Variants in WDFY4 observed in about 807,000 individuals in gnomAD.
The protein encoded by WDFY4 is WDFY family member 4.
In WDFY4, 169 loss-of-function variants were observed where a neutral mutation model predicts 351.9. The ratio of observed to expected loss-of-function variants is 0.48; its 90% CI spans 0.42 to 0.55. The LOEUF (loss-of-function observed/expected upper bound fraction) is 0.55. Ranked by LOEUF, WDFY4 falls within the 20% of genes least tolerant of loss-of-function variation. WDFY4 has a pLI of 0.00. For synonymous variants in WDFY4, 1,622 were observed against 1,574.6 expected, an observed-to-expected ratio of 1.03 and a Z score of -0.71; for missense variants, 3,803 against 3,935.6, an observed-to-expected ratio of 0.97 and a Z score of 0.90.
chr10:48,944,569 G>A (rs1368409021), intron 49 of WDFY4, among the ~76,000 whole-genome samples: 1 of 152,246 alleles, frequency 6.6e-6, no homozygotes, highest in Non-Finnish European at 1.5e-5. Flanking sequence ...GGGCTGCTTG[G>A]ATGGCAGACC....
intron 39 of WDFY4, among the ~76,000 whole-genome samples, chr10:48,851,928 G>A (rs1362796543): frequency 6.6e-6 from 1 of 152,236 alleles, no homozygotes; most frequent in Non-Finnish European, 1.5e-5. Flanking sequence ...GACCCGCTTT[G>A]CCTCCCAAAT....
At chr10:48,825,055 C>T (rs1225473650) in intron 35 of WDFY4, among the ~76,000 whole-genome samples, 2 of 152,190 alleles carry the variant, frequency 1.3e-5, no homozygotes, top group Non-Finnish European at 1.5e-5. Context: ...ATCAATGCAT[C>T]ACCTAGGTAT....
At chr10:48,810,855 G>A (rs1186776033) in intron 29 of WDFY4, 120 bp downstream of exon 29, 10 of 1,072,030 alleles carry the variant, frequency 9.3e-6, no homozygotes, top group East Asian at 5.5e-5. Flanking sequence ...GGATCACCTC[G>A]AGCCCTGACT....
At chr10:48,825,017 A>G (rs141579100) in intron 35 of WDFY4, among the ~76,000 whole-genome samples, 2 of 152,222 alleles carry the variant, frequency 1.3e-5, no homozygotes, top group East Asian at 3.9e-4. Flanking sequence ...ACATAGGTAA[A>G]TGTGTGTCAC....
intron 13 of WDFY4, among the ~76,000 whole-genome samples, chr10:48,772,635 C>T (rs1290329434): frequency 2.8e-5 from 4 of 142,730 alleles, no homozygotes; most frequent in Admixed American, 2.1e-4. Flanking sequence ...CATGCTGGTG[C>T]GCTGCACCCA....
intron 47 of WDFY4, chr10:48,913,939 G>A (rs1247789926): frequency 6.2e-7 from 1 of 1,614,098 alleles, no homozygotes; most frequent in Admixed American, 1.7e-5. Flanking sequence ...CGGAGGTTCT[G>A]GAACTTGGAG....
rs1206375014 is a variant in WDFY4, at chr10:48,820,288, G to A, written c.5560G>A (p.Gly1854Ser). Reference sequence around the variant, plus strand: ...CAGCAGTCCTGAGGCCGCAGCTGAAGGCGACAGCACAGTGGAGGGTCTCCA... The same window carrying A: ...CAGCAGTCCTGAGGCCGCAGCTGAAAGCGACAGCACAGTGGAGGGTCTCCA... ...NTSSPEAAAE[G>S]DSTVEGLQAP... The change falls in exon 33 of 62, where the codon GGC becomes AGC. Residue 1854 changes from glycine (G) to serine (S), a missense_variant. By Grantham distance (56) the Gly-to-Ser change is moderately conservative. Around this residue, in one of 3 missense-constraint regions of WDFY4, gnomAD observed 3,054 missense variants for 3,148.6 expected, o/e 0.97. Transcript: ENST00000325239. 3 of 1,551,724 alleles carry A rather than the reference G, an allele frequency of 1.9e-6. No homozygotes were observed. Among genetic ancestry groups the A allele is most frequent in the Non-Finnish European group, 2.6e-6 (3 of 1,146,994 alleles).
intron 13 of WDFY4, among the ~76,000 whole-genome samples, chr10:48,766,216 C>G (rs144386081): frequency 4.6e-5 from 7 of 152,332 alleles, no homozygotes; most frequent in African/African-American, 1.7e-4. Context: ...GCCCCTTACA[C>G]AAAGTATTTC....
intron 43 of WDFY4, among the ~76,000 whole-genome samples, chr10:48,881,286 G>A (rs2070237949): frequency 6.6e-6 from 1 of 152,274 alleles, no homozygotes. Context: ...GTCAAGGGAA[G>A]GATGAAGGAT....
rs751651597 is a variant in WDFY4, at chr10:48,963,950, C to T, written c.8332C>T (p.Pro2778Ser). 5.2e-6 allele frequency: 8 copies of T among 1,551,190 alleles called. No homozygotes were observed. In the South Asian group the frequency reaches 9.5e-5, roughly 18 times the overall value. ...AGTGGATGCTGTTAATATCTTCCACCCCTACTTCTACGGTGACAGAATGGA... is the reference window on the plus strand; with the variant it reads ...AGTGGATGCTGTTAATATCTTCCACTCCTACTTCTACGGTGACAGAATGGA... ...AAVDAVNIFH[P>S]YFYGDRMDLS... The change falls in exon 54 of 62, where the codon CCC (proline) becomes TCC (serine). Residue 2778 changes from proline to serine, a missense_variant. This residue lies in a region of WDFY4 where 3,054 missense variants were observed against 3,148.6 expected (regional missense o/e 0.97). Coordinates refer to ENST00000325239, the MANE Select transcript of WDFY4 (RefSeq NM_001394531.1).
intron 23 of WDFY4, among the ~76,000 whole-genome samples, chr10:48,793,647 A>G (rs1179692519): frequency 6.6e-6 from 1 of 151,850 alleles, no homozygotes. Context: ...TGTCTGTTTC[A>G]CCCCCAGGCA....
chr10:48,747,710 A>G (rs561285076), intron 12 of WDFY4, among the ~76,000 whole-genome samples: 29 of 152,288 alleles, frequency 1.9e-4, no homozygotes, highest in East Asian at 1.2e-3. Context: ...TTTTCAAATA[A>G]ACTTGATTTG....
Position 48,900,250 on chromosome 10 carries a change from T to C in WDFY4, c.7467T>C (p.Asn2489=), listed in dbSNP as rs755448094. 9.0e-5 allele frequency: 139 copies of C among 1,551,600 alleles called. No homozygotes were observed. Among genetic ancestry groups the C allele is most frequent in the Non-Finnish European group, 1.2e-4 (132 of 1,146,992 alleles). Residue 2489 remains asparagine (N), a synonymous_variant, in exon 46 of 62, where the codon AAT becomes AAC. Coordinates refer to ENST00000325239, the MANE Select transcript of WDFY4 (RefSeq NM_001394531.1). ...TCGCCCTGGAGATCTTCTTCCACAATGGATATTCCAAGTTTCTTGTCTTCT... is the reference window on the plus strand; with the variant it reads ...TCGCCCTGGAGATCTTCTTCCACAACGGATATTCCAAGTTTCTTGTCTTCT... ...QDIALEIFFH[N]GYSKFLVFYN...
intron 47 of WDFY4, among the ~76,000 whole-genome samples, chr10:48,911,323 T>C (rs1274373326): frequency 6.6e-6 from 1 of 152,256 alleles, no homozygotes; most frequent in Admixed American, 6.5e-5. Flanking sequence ...ACTACGTTAC[T>C]GGTAGGCGTA....
At chr10:48,937,881 T>C (rs953049711) in intron 47 of WDFY4, among the ~76,000 whole-genome samples, 1 of 152,114 alleles carries the variant, frequency 6.6e-6, no homozygotes, top group Admixed American at 6.5e-5. Context: ...AGAGGGAGTG[T>C]GTTTGGCTTC....
chr10:48,910,300 C>A (rs770315041), intron 47 of WDFY4: 1 of 1,596,358 alleles, frequency 6.3e-7, no homozygotes, highest in East Asian at 2.2e-5. Context: ...TTGCTCCAGG[C>A]CACAGAGGCA....
intron 2 of WDFY4, among the ~76,000 whole-genome samples, chr10:48,719,186 T>C (rs901056876): frequency 6.6e-6 from 1 of 152,250 alleles, no homozygotes; most frequent in African/African-American, 2.4e-5. Flanking sequence ...AGTTATATTA[T>C]GGCCTATCTA....
intron 12 of WDFY4, among the ~76,000 whole-genome samples, chr10:48,744,601 T>C (rs1589506013): frequency 6.6e-6 from 1 of 152,216 alleles, no homozygotes; most frequent in Non-Finnish European, 1.5e-5. Flanking sequence ...GCTAGCATCA[T>C]AGCATGAGTT....
chr10:48,912,517 C>A (rs1838098307), intron 47 of WDFY4, among the ~76,000 whole-genome samples: 1 of 152,202 alleles, frequency 6.6e-6, no homozygotes, highest in Non-Finnish European at 1.5e-5. Context: ...CTCCTGAATG[C>A]CTCAGACAGT....
Sources: allele counts gnomAD v4.1 joint callset (sites outside exome capture counted in the v4.1 genomes callset), GRCh38; gene constraint gnomAD v4.1.1; regional missense constraint gnomAD v4.1.1; transcripts MANE v1.5; gene names NCBI Gene and HGNC (gene_info 2026-07-23, HGNC 2026-07-21).